KCNQ5: variants seen among roughly 807,000 people sequenced by gnomAD.
KCNQ5 encodes potassium voltage-gated channel subfamily KQT member 5.
In KCNQ5, 30 loss-of-function variants were observed where a neutral mutation model predicts 98.2. The observed-to-expected ratio is 0.31, with a 90% confidence interval of 0.23 to 0.41. KCNQ5 has a LOEUF of 0.41. Ranked by LOEUF, KCNQ5 falls within the 10% of genes least tolerant of loss-of-function variation. The pLI is 1.00. For missense variants in KCNQ5, 835 were observed against 1,182.5 expected, an observed-to-expected ratio of 0.71 and a Z score of 4.31; for synonymous variants, 458 against 449.4, an observed-to-expected ratio of 1.02 and a Z score of -0.24.
chr6:73,128,767 A>G (rs1032984116), intron 9 of KCNQ5, among the ~76,000 whole-genome samples: 4 of 152,214 alleles, frequency 2.6e-5, no homozygotes, highest in African/African-American at 9.7e-5. Flanking sequence ...TGAGTAGACT[A>G]AAGTTGCTTT....
intron 1 of KCNQ5, among the ~76,000 whole-genome samples, chr6:72,795,144 C>A (rs1774261027): frequency 6.6e-6 from 1 of 152,120 alleles, no homozygotes; most frequent in African/African-American, 2.4e-5. Flanking sequence ...ACAAAACTTT[C>A]TTTTTCCAAA....
At chr6:72,633,213 G>A (rs2098922042) in intron 1 of KCNQ5, among the ~76,000 whole-genome samples, 2 of 152,024 alleles carry the variant, frequency 1.3e-5, no homozygotes. Flanking sequence ...ATGCTTGGGG[G>A]CCACTCGTAT....
At chr6:73,168,007 T>C (rs1029384753) in intron 10 of KCNQ5, among the ~76,000 whole-genome samples, 1 of 152,142 alleles carries the variant, frequency 6.6e-6, no homozygotes, top group Non-Finnish European at 1.5e-5. Flanking sequence ...ATTATTATCA[T>C]TATTGTGAGG....
At chr6:72,746,494 T>C (rs1259778460) in intron 1 of KCNQ5, among the ~76,000 whole-genome samples, 1 of 152,148 alleles carries the variant, frequency 6.6e-6, no homozygotes, top group Non-Finnish European at 1.5e-5. Context: ...AGGGATTTGC[T>C]GACAGGTACT....
chr6:73,186,202 G>A (rs1247082446), intron 11 of KCNQ5, among the ~76,000 whole-genome samples: 2 of 151,916 alleles, frequency 1.3e-5, no homozygotes, highest in Non-Finnish European at 2.9e-5. Context: ...ACTCCACCTG[G>A]CGTGACAGAG....
At chr6:72,682,882 A>C (rs1250943347) in intron 1 of KCNQ5, among the ~76,000 whole-genome samples, 2 of 152,126 alleles carry the variant, frequency 1.3e-5, no homozygotes, top group East Asian at 3.9e-4. Context: ...CCAAAGAAAG[A>C]GGAGAAAGGC....
intron 1 of KCNQ5, among the ~76,000 whole-genome samples, chr6:72,773,755 A>G (rs1773027179): frequency 6.6e-6 from 1 of 152,170 alleles, no homozygotes; most frequent in African/African-American, 2.4e-5. Flanking sequence ...CTTCCCTAAC[A>G]ATTAAAATAT....
chr6:73,012,649 TA>T (rs1400172360), intron 2 of KCNQ5, among the ~76,000 whole-genome samples: 3 of 151,862 alleles, frequency 2.0e-5, no homozygotes, highest in Non-Finnish European at 4.4e-5. Flanking sequence ...TTTACCACAA[TA>T]AAAAAATTGA....
In KCNQ5 at chr6:73,163,469, A is replaced by C. The variant is rs555543967; in HGVS notation, c.1469-6277A>C. Among the ~76,000 whole-genome samples, 6 of 152,272 alleles carry C rather than the reference A, an allele frequency of 3.9e-5. No individual in the cohort carries two copies. The South Asian group carries it at 1.2e-3, about 32-fold the overall frequency. ...TTGGTTAAAAATAACTAAATAGGCC[A>C]GGCATGGTGGCTCACACCTGTAATC... On this transcript the variant is annotated intron_variant, in intron 10 of 13. Transcript: ENST00000370398.
intron 2 of KCNQ5, among the ~76,000 whole-genome samples, chr6:73,033,695 C>G (rs1009748008): frequency 2.6e-5 from 4 of 152,084 alleles, no homozygotes; most frequent in African/African-American, 4.8e-5. Context: ...CCCCTATCTC[C>G]ACCCCACTCC....
intron 13 of KCNQ5, among the ~76,000 whole-genome samples, 153 bp from the exon 14 acceptor site, chr6:73,194,299 A>G (rs1461940249): frequency 2.0e-5 from 3 of 152,222 alleles, no homozygotes; most frequent in Non-Finnish European, 2.9e-5. Context: ...GCTAAATGTT[A>G]CATTCACTAA....
intron 1 of KCNQ5, among the ~76,000 whole-genome samples, chr6:72,966,891 A>G (rs1767646466): frequency 6.6e-6 from 1 of 152,338 alleles, no homozygotes; most frequent in Admixed American, 6.5e-5. Flanking sequence ...AAGTTACCCA[A>G]TTACACCTTG....
intron 9 of KCNQ5, chr6:73,129,952 C>T: frequency 1.2e-6 from 1 of 858,636 alleles, no homozygotes; most frequent in Non-Finnish European, 1.9e-6. Flanking sequence ...TGTTCAGAGA[C>T]TCACTCTTTC....
At chr6:72,756,296 A>G (rs1238022225) in intron 1 of KCNQ5, among the ~76,000 whole-genome samples, 2 of 152,166 alleles carry the variant, frequency 1.3e-5, no homozygotes, top group Non-Finnish European at 2.9e-5. Context: ...AATTTTGTAC[A>G]TCTTCTGGCT....
At chr6:72,947,765 A>C (rs1167709038) in intron 1 of KCNQ5, among the ~76,000 whole-genome samples, 1 of 152,134 alleles carries the variant, frequency 6.6e-6, no homozygotes, top group Admixed American at 6.6e-5. Flanking sequence ...TATTCTGTCA[A>C]ATATTAAATT....
At chr6:72,659,921 A>G (rs910921580) in intron 1 of KCNQ5, among the ~76,000 whole-genome samples, 3 of 152,150 alleles carry the variant, frequency 2.0e-5, no homozygotes, top group East Asian at 1.9e-4. Context: ...TGATATCTCT[A>G]TAGCTGTTCC....
intron 1 of KCNQ5, among the ~76,000 whole-genome samples, chr6:72,809,666 G>A (rs1050006084): frequency 2.6e-5 from 4 of 152,234 alleles, no homozygotes; most frequent in Non-Finnish European, 5.9e-5. Flanking sequence ...TGCTGACTGT[G>A]TTGGATGGAA....
intron 2 of KCNQ5, among the ~76,000 whole-genome samples, chr6:73,009,958 A>T (rs999472995): frequency 2.0e-5 from 3 of 152,188 alleles, no homozygotes; most frequent in Non-Finnish European, 4.4e-5. Flanking sequence ...TTAAAGAACT[A>T]ATATCAATCC....
At chr6:73,179,587 A>T (rs1290855107) in intron 11 of KCNQ5, among the ~76,000 whole-genome samples, 3 of 152,198 alleles carry the variant, frequency 2.0e-5, no homozygotes, top group Non-Finnish European at 4.4e-5. Context: ...TCGGTAGTGT[A>T]AATTAACCCA....
Sources: gnomAD v4.1 joint callset for allele counts (sites outside exome capture counted in the v4.1 genomes callset) on GRCh38, gnomAD v4.1.1 for gene constraint, MANE v1.5 for transcripts, NCBI Gene and HGNC (gene_info 2026-07-23, HGNC 2026-07-21) for gene names.